TEX11: variants seen among roughly 807,000 people sequenced by gnomAD.
TEX11 encodes testis expressed 11.
TEX11 carries 7 observed loss-of-function variants against 84.4 expected under a neutral mutation model. The observed-to-expected ratio is 0.08, with a 90% CI of 0.05 to 0.16. The LOEUF is 0.16. TEX11 is among the 10% of genes least tolerant of loss of function. The pLI is 1.00. For missense variants in TEX11, 551 were observed against 660.5 expected (o/e 0.83, Z 1.82); for synonymous variants, 264 against 222.8 (o/e 1.18, Z -1.64).
chrX:70,550,159 TA>T (rs2088194059), intron 28 of TEX11, among the ~76,000 whole-genome samples: 1 of 112,571 alleles, frequency 8.9e-6, no homozygotes, highest in Admixed American at 9.4e-5. Flanking sequence ...GTCTCTTCAA[TA>T]AATGGTGCTG....
intron 20 of TEX11, among the ~76,000 whole-genome samples, chrX:70,617,118 T>C (rs2089326383): frequency 9.0e-6 from 1 of 110,600 alleles, no homozygotes; most frequent in African/African-American, 3.3e-5. Flanking sequence ...ATATCACATG[T>C]AGCCCATAAA....
intron 4 of TEX11, among the ~76,000 whole-genome samples, chrX:70,862,683 C>T (rs1278655025): frequency 9.3e-6 from 1 of 107,170 alleles, no homozygotes. Flanking sequence ...GTGGGTAAAT[C>T]ACCTGAGCTC....
intron 7 of TEX11, among the ~76,000 whole-genome samples, chrX:70,851,482 C>G: frequency 9.0e-6 from 1 of 111,393 alleles, no homozygotes; most frequent in East Asian, 2.8e-4. Flanking sequence ...AGTGCTAAAA[C>G]TATAAAACCT....
chrX:70,545,139 ATG>A (rs1216772519), intron 28 of TEX11, among the ~76,000 whole-genome samples: 1,493 of 110,646 alleles, frequency 0.013, 12 homozygotes, highest in Non-Finnish European at 0.023. Flanking sequence ...CGGGAGGCAG[ATG>A]TTGCAGTGAG....
intron 9 of TEX11, among the ~76,000 whole-genome samples, chrX:70,769,202 A>AG (rs1472028887): frequency 9.0e-6 from 1 of 111,475 alleles, no homozygotes; most frequent in African/African-American, 3.3e-5. Flanking sequence ...TCAAGCACAG[A>AG]GGGGGGAAAT....
intron 8 of TEX11, among the ~76,000 whole-genome samples, chrX:70,816,644 G>A (rs912281762): frequency 1.3e-4 from 14 of 109,638 alleles, no homozygotes; most frequent in East Asian, 2.9e-4. Context: ...CCTGGGAGGC[G>A]GCAGTTGCAG....
intron 9 of TEX11, among the ~76,000 whole-genome samples, chrX:70,802,513 T>C (rs1048869682): frequency 9.0e-6 from 1 of 111,419 alleles, no homozygotes; most frequent in African/African-American, 3.3e-5. Context: ...TTTTAATTTG[T>C]CAATTATACC....
At position 70,733,243 on chromosome X, in the gene TEX11, C is replaced by A. The variant is rs956095903; in HGVS notation, c.843+7458G>T. On this transcript the variant is annotated intron_variant, in intron 11 of 29. Coordinates refer to ENST00000374333, the MANE Select transcript of TEX11 (RefSeq NM_031276.3). ...ATACCATTCAGGACATAGGCATGGG[C>A]AAGGACTTCATGTCTAAAACACCAA... Among the ~76,000 whole-genome samples the A allele has an allele frequency of 2.2e-4, 25 of 111,598 alleles. 1 individual carries two copies. Among genetic ancestry groups the A allele is most frequent in the African/African-American group, 7.2e-4 (22 of 30,680 alleles).
intron 8 of TEX11, among the ~76,000 whole-genome samples, chrX:70,831,207 C>T (rs1378329279): frequency 9.0e-6 from 1 of 111,627 alleles, no homozygotes; most frequent in African/African-American, 3.2e-5. Flanking sequence ...ATAAGCCAGC[C>T]GCAGAAAGAC....
intron 25 of TEX11, among the ~76,000 whole-genome samples, chrX:70,577,320 T>C (rs189870524): frequency 6.1e-4 from 68 of 111,467 alleles, no homozygotes; most frequent in African/African-American, 2.1e-3. Flanking sequence ...AATGTTGCCA[T>C]ATGCAGATTA....
chrX:70,907,879 G>T, intron 1 of TEX11, 69 bp from the exon 2 acceptor site: 1 of 713,394 alleles, frequency 1.4e-6, no homozygotes. Context: ...TCTTTCCAGT[G>T]AAATGTTTCC....
At chrX:70,790,677 C>G (rs2091112586) in intron 9 of TEX11, among the ~76,000 whole-genome samples, 1 of 111,839 alleles carries the variant, frequency 8.9e-6, no homozygotes, top group Admixed American at 9.5e-5. Flanking sequence ...GATCTGCATG[C>G]CCCTCTGTCG....
At chrX:70,511,771 A>G in the TEX11 span, among the ~76,000 whole-genome samples, 2 of 102,701 alleles carry the variant, frequency 1.9e-5, no homozygotes, top group Non-Finnish European at 3.9e-5. Context: ...AAAAAAAAAA[A>G]AAAAAGAAAA....
intron 9 of TEX11, among the ~76,000 whole-genome samples, chrX:70,750,931 AAAATATATATATATATATATATATAT>A: frequency 4.5e-5 from 1 of 21,985 alleles, no homozygotes; most frequent in African/African-American, 1.5e-4. Context: ...TAAAAAAAAA[AAAATATATATATATATATATATATAT>A]ATATATATAA....
chrX:70,754,153 A>C (rs1161830663), intron 9 of TEX11, among the ~76,000 whole-genome samples: 1 of 111,456 alleles, frequency 9.0e-6, no homozygotes, highest in Non-Finnish European at 1.9e-5. Flanking sequence ...AGGGTCCCCA[A>C]TTCCAGGATT....
chrX:70,546,975 G>A (rs1255040593), intron 28 of TEX11, among the ~76,000 whole-genome samples: 1 of 85,313 alleles, frequency 1.2e-5, no homozygotes, highest in East Asian at 4.2e-4. Flanking sequence ...TCTATGAACT[G>A]ATGAACAGAT....
chrX:70,643,867 A>T (rs1431813808), intron 17 of TEX11, among the ~76,000 whole-genome samples: 4 of 109,911 alleles, frequency 3.6e-5, no homozygotes, highest in Non-Finnish European at 7.6e-5. Context: ...ATGGGCAAGG[A>T]CTTCATGTCT....
At chrX:70,774,351 T>A (rs1164384152) in intron 9 of TEX11, among the ~76,000 whole-genome samples, 4 of 107,967 alleles carry the variant, frequency 3.7e-5, no homozygotes, top group Admixed American at 2.0e-4. Flanking sequence ...CCACTCCTAT[T>A]CAAAATAGTA....
intron 9 of TEX11, among the ~76,000 whole-genome samples, chrX:70,794,017 T>G (rs1190819985): frequency 8.9e-6 from 1 of 111,960 alleles, no homozygotes; most frequent in Non-Finnish European, 1.9e-5. Flanking sequence ...GACAACTATC[T>G]GCACAAAAAA....
Sources: gnomAD v4.1 joint callset for allele counts (sites outside exome capture counted in the v4.1 genomes callset) on GRCh38, gnomAD v4.1.1 for gene constraint, MANE v1.5 for transcripts, NCBI Gene and HGNC (gene_info 2026-07-23, HGNC 2026-07-21) for gene names.